The following RPL7A variants were observed in gnomAD, a reference collection of about 807,000 sequenced individuals.
The protein encoded by RPL7A is large ribosomal subunit protein eL8.
For missense variants in RPL7A, 291 were observed against 338.2 expected (o/e 0.86, Z 1.09); for synonymous variants, 158 against 128.2 (o/e 1.23, Z -1.57).
At chr9:133,350,478 C>G in intron 5 of RPL7A, 119 bp from the exon 6 acceptor site, 6 of 1,556,480 alleles carry the variant, frequency 3.9e-6, no homozygotes, top group Non-Finnish European at 5.3e-6. Flanking sequence ...GAATCTCTCA[C>G]TGAATTCAAC....
In RPL7A at chr9:133,350,587, T is replaced by G; in HGVS notation, c.496-10T>G. 1 of 1,614,038 alleles carries G rather than the reference T, an allele frequency of 6.2e-7. No homozygotes were observed. The highest frequency in any genetic ancestry group is 1.1e-5 in the South Asian group (1 of 91,082). On this transcript the variant is annotated splice_polypyrimidine_tract_variant and intron_variant, in intron 5 of 7. Coordinates refer to ENST00000323345, the MANE Select transcript of RPL7A (RefSeq NM_000972.3). Reference sequence around the variant, plus strand: ...TCAAAATACAGTCTTCAGCTAATGCTTTCTTCCAGCTGGTTGTCTTCTTGC... The same window carrying G: ...TCAAAATACAGTCTTCAGCTAATGCGTTCTTCCAGCTGGTTGTCTTCTTGC...
In RPL7A at chr9:133,349,929, C is replaced by T; in HGVS notation, c.292C>T (p.Leu98=). The part of the protein sequence containing the change: ...DRQTATQLLK[L]AHKYRPETKQ... ...TTTTCCAGCTACTCAGCTGCTTAAGCTGGCCCACAAGTACAGACCAGAGAC... is the reference window on the plus strand; with the variant it reads ...TTTTCCAGCTACTCAGCTGCTTAAGTTGGCCCACAAGTACAGACCAGAGAC... The change falls in exon 4 of 8, where the codon CTG becomes TTG. Residue 98 remains leucine (L), a synonymous_variant. Coordinates refer to ENST00000323345, the MANE Select transcript of RPL7A (RefSeq NM_000972.3). The T allele has an allele frequency of 6.2e-7, 1 of 1,611,656 alleles. No individual in the cohort carries two copies. Among genetic ancestry groups the T allele is most frequent in the South Asian group, 1.1e-5 (1 of 90,988 alleles).
rs2129986219 is a variant in RPL7A at position 133,349,457 on chromosome 9, A to G, written c.125-94A>G. The G allele has an allele frequency of 3.4e-6, 5 of 1,474,774 alleles. No individual in the cohort carries two copies. In the East Asian group the frequency reaches 9.0e-5, roughly 27 times the overall value. The allele number at this position is 1,474,774 out of a possible 1,614,324, so 91.4% of individuals were successfully genotyped here. ...ATGGTGATGACATTTTAAACCACCA[A>G]GATCGCTGATGCACCAACACCCTTC... On this transcript the variant is annotated intron_variant, in intron 2 of 7. Transcript: ENST00000323345.
intron 1 of RPL7A, 161 bp downstream of exon 1, chr9:133,348,407 T>C (rs2129978426): frequency 1.4e-5 from 14 of 1,013,406 alleles, no homozygotes; most frequent in African/African-American, 4.8e-5. Context: ...GAGCCCCACT[T>C]GGTGTGGCAC....
At chr9:133,348,322 C>G in intron 1 of RPL7A, 76 bp downstream of exon 1, 1 of 1,592,500 alleles carries the variant, frequency 6.3e-7, no homozygotes, top group Non-Finnish European at 8.6e-7. Context: ...CAGGCGCGGC[C>G]TCGGAGGGCC....
At position 133,349,994 on chromosome 9, in the gene RPL7A, G is replaced by A. The variant is rs2129990517; in HGVS notation, c.357G>A (p.Glu119=). 9.1e-5 allele frequency: 147 copies of A among 1,612,578 alleles called. 3 individuals are homozygous for A. In the South Asian group the frequency reaches 1.3e-3, roughly 14 times the overall value. Residue 119 remains glutamate, a synonymous_variant, in exon 4 of 8, where the codon GAG becomes GAA. Transcript: ENST00000323345. The part of the protein sequence containing the change: ...EKKQRLLARA[E]KKAAGKGDVP... ...AGCAGAGACTGTTGGCCCGGGCCGAGAAGAAGGCTGCTGGCAAAGGGGACG... is the reference window on the plus strand; with the variant it reads ...AGCAGAGACTGTTGGCCCGGGCCGAAAAGAAGGCTGCTGGCAAAGGGGACG...
Position 133,348,255 on chromosome 9 carries a change from G to C in RPL7A, c.3+9G>C, listed in dbSNP as rs782636552. 2 of 1,613,998 alleles carry C rather than the reference G, an allele frequency of 1.2e-6. No individual in the cohort carries two copies. Among genetic ancestry groups the C allele is most frequent in the African/African-American group, 2.7e-5 (2 of 74,938 alleles). ...TCCCGCCGCCCAAGATGGTGAGTGA[G>C]CTGTAGTTCCGTGGCACTATAGCCA... On this transcript the variant is annotated intron_variant, in intron 1 of 7. Coordinates refer to ENST00000323345, the MANE Select transcript of RPL7A (RefSeq NM_000972.3).
Position 133,350,635 on chromosome 9 carries a change from G to A in RPL7A, c.534G>A (p.Gly178=), listed in dbSNP as rs1836370014. The A allele has an allele frequency of 6.2e-7, 1 of 1,613,858 alleles. No individual in the cohort carries two copies. Among genetic ancestry groups the A allele is most frequent in the Non-Finnish European group, 8.5e-7 (1 of 1,179,968 alleles). Residue 178 remains glycine, a synonymous_variant, in exon 6 of 8, where the codon GGG becomes GGA. Transcript: ENST00000323345. ...TGCCTGCCCTGTGTCGTAAAATGGG[G>A]GTCCCTTACTGCATTATCAAGGGAA... ...VFLPALCRKM[G]VPYCIIKGKA...
intron 1 of RPL7A, 120 bp downstream of exon 1, chr9:133,348,366 C>T (rs2129978151): frequency 3.6e-4 from 495 of 1,365,936 alleles, no homozygotes; most frequent in Non-Finnish European, 5.0e-4. Flanking sequence ...GAGCCCCACT[C>T]GGTGTGGCAC....
chr9:133,350,207 TGTGA>T, intron 4 of RPL7A, 29 bp from the exon 5 acceptor site: 1 of 1,612,752 alleles, frequency 6.2e-7, no homozygotes, highest in Non-Finnish European at 8.5e-7. Context: ...GAGCAGGCCC[TGTGA>T]GTGCTCACAA....
Position 133,349,941 on chromosome 9 carries a change from T to C in RPL7A, c.304T>C (p.Tyr102His), listed in dbSNP as rs1347971690. ...ATQLLKLAHK[Y>H]RPETKQEKKQ... The stretch of plus-strand genomic sequence containing the variant: ...TCAGCTGCTTAAGCTGGCCCACAAG[T>C]ACAGACCAGAGACAAAGCAAGAGAA... Residue 102 changes from tyrosine to histidine, a missense_variant, in exon 4 of 8, where the codon TAC (tyrosine) becomes CAC (histidine). By Grantham distance (83) the Tyr-to-His change is moderately conservative. Transcript: ENST00000323345. The C allele has an allele frequency of 6.2e-7, 1 of 1,611,594 alleles. No individual in the cohort carries two copies. Among genetic ancestry groups the C allele is most frequent in the African/African-American group, 1.3e-5 (1 of 74,946 alleles).
intron 1 of RPL7A, 60 bp from the exon 2 acceptor site, chr9:133,348,862 C>T (rs1439814497): frequency 6.2e-7 from 1 of 1,612,544 alleles, no homozygotes; most frequent in African/African-American, 1.3e-5. Context: ...CCAGCCTGAG[C>T]CCTACCCCCG....
chr9:133,348,536 C>T, intron 1 of RPL7A: 1 of 599,128 alleles, frequency 1.7e-6, no homozygotes, highest in Non-Finnish European at 3.0e-6. Context: ...GGAGCCCTAG[C>T]GTCTCTCGGG....
At chr9:133,348,791 A>G (rs2129980986) in intron 1 of RPL7A, 131 bp from the exon 2 acceptor site, 4 of 1,414,698 alleles carry the variant, frequency 2.8e-6, no homozygotes, top group South Asian at 2.3e-5. Context: ...GGGGGGTTGC[A>G]GAAAGCTGCT....
intron 7 of RPL7A, 27 bp from the exon 8 acceptor site, chr9:133,351,235 G>A (rs2129998802): frequency 1.5e-5 from 24 of 1,603,958 alleles, no homozygotes; most frequent in African/African-American, 5.4e-5. Flanking sequence ...AGTAAGCCAA[G>A]CTAACTGCCT....
intron 5 of RPL7A, 119 bp downstream of exon 5, chr9:133,350,438 C>G (rs2129993502): frequency 4.2e-5 from 63 of 1,488,238 alleles, no homozygotes; most frequent in Non-Finnish European, 5.5e-5. Flanking sequence ...TGACACAGAT[C>G]CAACACATGC....
intron 1 of RPL7A, 32 bp from the exon 2 acceptor site, chr9:133,348,890 G>A: frequency 6.2e-7 from 1 of 1,613,250 alleles, no homozygotes; most frequent in South Asian, 1.1e-5. Context: ...GAGTGGAGGC[G>A]GCGGTTTAAC....
At chr9:133,348,775 G>T in intron 1 of RPL7A, 147 bp from the exon 2 acceptor site, 2 of 1,173,188 alleles carry the variant, frequency 1.7e-6, no homozygotes, top group Non-Finnish European at 2.5e-6. Flanking sequence ...GTCGAGGGGT[G>T]GTGCTGGGGG....
At chr9:133,348,557 GC>G in intron 1 of RPL7A, 3 of 595,162 alleles carry the variant, frequency 5.0e-6, no homozygotes. Context: ...CTTGCTGGGG[GC>G]CGCTCCAGAG....
Sources: gnomAD v4.1 joint callset for allele counts on GRCh38, gnomAD v4.1.1 for gene constraint, MANE v1.5 for transcripts, NCBI Gene and HGNC (gene_info 2026-07-23, HGNC 2026-07-21) for gene names.